ADGRV1: variants seen among roughly 807,000 people sequenced by gnomAD.
ADGRV1 encodes the protein adhesion G protein-coupled receptor V1.
A neutral mutation model predicts 596.2 loss-of-function variants in ADGRV1; 359 were observed. That is an observed-to-expected ratio of 0.60 (90% CI 0.55 to 0.66). The LOEUF (loss-of-function observed/expected upper bound fraction) is 0.66. ADGRV1 is among the 30% of genes least tolerant of loss of function. The pLI is 0.00. For synonymous variants in ADGRV1, 2,681 were observed against 2,679.2 expected, an observed-to-expected ratio of 1.00 and a Z score of -0.02; for missense variants, 7,274 against 7,575.6, an observed-to-expected ratio of 0.96 and a Z score of 1.48.
intron 50 of ADGRV1, among the ~76,000 whole-genome samples, chr5:90,743,210 T>C (rs1265031170): frequency 6.6e-6 from 1 of 152,152 alleles, no homozygotes; most frequent in Non-Finnish European, 1.5e-5. Context: ...TTTATAAAAC[T>C]TGATGAAAAA....
intron 83 of ADGRV1, among the ~76,000 whole-genome samples, chr5:90,958,642 ATCATC>A (rs1482984011): frequency 3.3e-5 from 5 of 152,130 alleles, no homozygotes; most frequent in Non-Finnish European, 7.4e-5. Context: ...TTAGGTGGCC[ATCATC>A]TCCCTTTGTC....
intron 85 of ADGRV1, among the ~76,000 whole-genome samples, chr5:91,018,157 T>C (rs532663250): frequency 2.4e-3 from 371 of 151,906 alleles, no homozygotes; most frequent in Non-Finnish European, 4.4e-3. Flanking sequence ...TTTCTGAAAG[T>C]CTCTGAGCAT....
At chr5:91,092,383 G>A (rs2126586944) in intron 86 of ADGRV1, among the ~76,000 whole-genome samples, 1 of 152,306 alleles carries the variant, frequency 6.6e-6, no homozygotes, top group East Asian at 1.9e-4. Flanking sequence ...ACAGGTGTGA[G>A]CCACCATGCC....
chr5:90,573,319 T>C (rs1756784770), intron 1 of ADGRV1, among the ~76,000 whole-genome samples: 1 of 152,192 alleles, frequency 6.6e-6, no homozygotes, highest in African/African-American at 2.4e-5. Context: ...CATGCATTGC[T>C]TAATGATGAG....
At chr5:91,083,014 G>A (rs1013044580) in intron 86 of ADGRV1, among the ~76,000 whole-genome samples, 1 of 152,114 alleles carries the variant, frequency 6.6e-6, no homozygotes, top group Non-Finnish European at 1.5e-5. Context: ...GGAAATAAAG[G>A]AAAATGGGTT....
chr5:91,018,967 G>A (rs1397224642), intron 85 of ADGRV1, among the ~76,000 whole-genome samples: 1 of 151,928 alleles, frequency 6.6e-6, no homozygotes, highest in Non-Finnish European at 1.5e-5. Context: ...CTCCCTCAGG[G>A]TGGCAACATA....
intron 83 of ADGRV1, among the ~76,000 whole-genome samples, chr5:90,943,645 C>T (rs1876632): frequency 0.013 from 2,024 of 152,232 alleles, 55 homozygotes; most frequent in African/African-American, 0.046. Flanking sequence ...ATGTTTCCAG[C>T]AGCATCCTCC....
intron 87 of ADGRV1, among the ~76,000 whole-genome samples, chr5:91,118,861 A>G: frequency 6.6e-6 from 1 of 152,118 alleles, no homozygotes; most frequent in Non-Finnish European, 1.5e-5. Flanking sequence ...CACTGCTTGT[A>G]TCTCTGTGAA....
intron 85 of ADGRV1, among the ~76,000 whole-genome samples, chr5:91,060,396 A>T (rs1385609736): frequency 0.043 from 1,162 of 27,122 alleles, 16 homozygotes; most frequent in African/African-American, 0.082. Context: ...ATATATATAT[A>T]TATTTTTTTT....
intron 85 of ADGRV1, chr5:91,031,182 C>A: frequency 2.0e-6 from 3 of 1,482,000 alleles, no homozygotes; most frequent in Non-Finnish European, 2.8e-6. Context: ...ACCAAAAAGG[C>A]AAGAAGAGTA....
rs183300776 is a variant in ADGRV1, at chr5:91,081,890, A to G, written c.18310+9286A>G. Reference sequence around the variant, plus strand: ...CCATACTTAACTAGTGCTGCCACCTAAAAGTGATATGACTTCTGATAAAAC... The same window carrying G: ...CCATACTTAACTAGTGCTGCCACCTGAAAGTGATATGACTTCTGATAAAAC... On this transcript the variant is annotated intron_variant, in intron 86 of 89. Transcript: ENST00000405460. 3.1e-3 allele frequency among the ~76,000 whole-genome samples: 471 copies of G among 152,360 alleles called. 2 individuals carry two copies. Among genetic ancestry groups the G allele is most frequent in the African/African-American group, 0.011 (453 of 41,586 alleles).
chr5:90,704,857 C>T (rs1748388435), intron 36 of ADGRV1, among the ~76,000 whole-genome samples: 1 of 151,918 alleles, frequency 6.6e-6, no homozygotes, highest in African/African-American at 2.4e-5. Context: ...TGTCACCAGG[C>T]TGGAGTGCAG....
chr5:90,584,511 G>A (rs1758492723), intron 1 of ADGRV1, among the ~76,000 whole-genome samples: 1 of 152,228 alleles, frequency 6.6e-6, no homozygotes, highest in Admixed American at 6.5e-5. Context: ...GTAGAGCTTG[G>A]TGGGGACCAC....
At chr5:91,031,113 A>G in intron 85 of ADGRV1, 1 of 1,380,884 alleles carries the variant, frequency 7.2e-7, no homozygotes, top group Non-Finnish European at 1.0e-6. Context: ...CAGCTCTTGT[A>G]CACAAGTAAA....
At chr5:90,726,245 A>G (rs951847667) in intron 48 of ADGRV1, among the ~76,000 whole-genome samples, 1 of 152,188 alleles carries the variant, frequency 6.6e-6, no homozygotes, top group Non-Finnish European at 1.5e-5. Context: ...GTCCCTTCTA[A>G]AAAGCCAGGC....
At chr5:90,928,189 A>G (rs1366690824) in intron 83 of ADGRV1, among the ~76,000 whole-genome samples, 1 of 152,030 alleles carries the variant, frequency 6.6e-6, no homozygotes, top group Non-Finnish European at 1.5e-5. Flanking sequence ...GCCTTGCTAG[A>G]TTGGGGAAGT....
chr5:90,917,391 A>C (rs1309885495), intron 83 of ADGRV1, among the ~76,000 whole-genome samples: 1 of 150,726 alleles, frequency 6.6e-6, no homozygotes, highest in Non-Finnish European at 1.5e-5. Flanking sequence ...TTTTTAAGTC[A>C]TTACCAATAA....
chr5:91,080,105 G>A (rs537108766), intron 86 of ADGRV1, among the ~76,000 whole-genome samples: 17 of 152,150 alleles, frequency 1.1e-4, no homozygotes, highest in Middle Eastern at 3.4e-3. Flanking sequence ...GTGACATTTT[G>A]TAACATACAT....
At chr5:90,671,029 T>C (rs941705027) in intron 21 of ADGRV1, among the ~76,000 whole-genome samples, 1 of 152,156 alleles carries the variant, frequency 6.6e-6, no homozygotes, top group Non-Finnish European at 1.5e-5. Flanking sequence ...CCTCACCATA[T>C]ACCATGTCAC....
Sources: allele counts gnomAD v4.1 joint callset (sites outside exome capture counted in the v4.1 genomes callset), GRCh38; gene constraint gnomAD v4.1.1; transcripts MANE v1.5; gene names NCBI Gene and HGNC (gene_info 2026-07-23, HGNC 2026-07-21).